The following STK32A variants were observed in gnomAD, a reference collection of about 807,000 sequenced individuals.
The protein encoded by STK32A is serine/threonine-protein kinase 32A.
In STK32A, 41 loss-of-function variants were observed where a neutral mutation model predicts 53.2. The ratio of observed to expected loss-of-function variants is 0.77; its 90% CI spans 0.60 to 1.00. The LOEUF is 1.00. STK32A is among the 50% of genes least tolerant of loss of function. STK32A has a pLI of 0.00. For missense variants in STK32A, 458 were observed against 485.8 expected (o/e 0.94, Z 0.54); for synonymous variants, 166 against 162.8 (o/e 1.02, Z -0.15).
In STK32A at chr5:147,343,216, T is replaced by C. The variant is rs115877349; in HGVS notation, c.472+173T>C. 6.5e-3 allele frequency: 5,073 copies of C among 783,392 alleles called. 34 individuals are homozygous for C. The highest frequency in any genetic ancestry group is 9.2e-3 in the Middle Eastern group (41 of 4,448). 48.5% of individuals were successfully genotyped at this position (783,392 alleles called of 1,614,324 possible). ...GAACTTTATTACTTATGGCAGGTTA[T>C]AGTACAACAATACACCCTTAAATCA... On this transcript the variant is annotated intron_variant, in intron 6 of 12. Transcript: ENST00000397936.
intron 2 of STK32A, 117 bp downstream of exon 2, chr5:147,239,803 C>G (rs1204522304): frequency 5.3e-6 from 4 of 760,634 alleles, no homozygotes; most frequent in South Asian, 1.8e-5. Context: ...AGGAAAAAGG[C>G]AAAGCTGCAT....
intron 10 of STK32A, 86 bp from the exon 11 acceptor site, chr5:147,375,004 C>G: frequency 7.8e-7 from 1 of 1,279,746 alleles, no homozygotes. Flanking sequence ...TCCGTTAAGA[C>G]TAAGTATTAT....
chr5:147,274,646 T>C (rs1427673334), intron 2 of STK32A, among the ~76,000 whole-genome samples: 3 of 152,224 alleles, frequency 2.0e-5, no homozygotes, highest in South Asian at 2.1e-4. Context: ...CTGGGAGCTA[T>C]GATACTCTTT....
intron 11 of STK32A, 164 bp from the exon 12 acceptor site, chr5:147,383,277 A>G: frequency 1.5e-6 from 1 of 650,488 alleles, no homozygotes; most frequent in Non-Finnish European, 2.7e-6. Context: ...CTGTTTTGCC[A>G]GCTTCCCGGA....
chr5:147,357,332 T>C (rs1413380363), intron 7 of STK32A, among the ~76,000 whole-genome samples: 1 of 152,054 alleles, frequency 6.6e-6, no homozygotes, highest in Non-Finnish European at 1.5e-5. Flanking sequence ...AAAAGGTAGG[T>C]AAAAATGATA....
intron 2 of STK32A, among the ~76,000 whole-genome samples, chr5:147,271,674 G>A (rs7729247): frequency 0.59 from 89,476 of 151,898 alleles, 26,733 homozygotes; most frequent in African/African-American, 0.67. Flanking sequence ...GGGTGTGGCC[G>A]TCTTCTATGG....
the STK32A span, chr5:147,397,817 A>T: frequency 6.2e-7 from 1 of 1,613,360 alleles, no homozygotes. Flanking sequence ...GCGCAGCTCC[A>T]TCCCTTCAAA....
intron 7 of STK32A, among the ~76,000 whole-genome samples, chr5:147,351,934 A>G (rs1348867297): frequency 6.6e-6 from 1 of 152,234 alleles, no homozygotes; most frequent in Non-Finnish European, 1.5e-5. Context: ...TTTAACCATT[A>G]TTTACATAAT....
intron 9 of STK32A, 116 bp from the exon 10 acceptor site, chr5:147,373,053 G>A (rs1581150327): frequency 9.7e-6 from 12 of 1,239,786 alleles, no homozygotes; most frequent in East Asian, 4.7e-5. Context: ...AGGGATAGGG[G>A]ACACTGTCTA....
At chr5:147,278,618 C>A (rs1293790553) in intron 3 of STK32A, among the ~76,000 whole-genome samples, 1 of 152,142 alleles carries the variant, frequency 6.6e-6, no homozygotes, top group Non-Finnish European at 1.5e-5. Flanking sequence ...AAGAAAAATA[C>A]ATATTCAGTT....
rs1755962652 is a variant in STK32A at position 147,351,246 on chromosome 5, G to A, written c.562+92G>A. On this transcript the variant is annotated intron_variant, in intron 7 of 12. Transcript: ENST00000397936. ...TCTGTGGGGATTTGCAGCTAGAACT[G>A]GTAAGTTCCTCTCTGACTTTACCTG... 25 of 1,090,202 alleles carry A rather than the reference G, an allele frequency of 2.3e-5. No homozygotes were observed. The South Asian group carries it at 3.0e-4, about 13-fold the overall frequency. The allele number at this position is 1,090,202 out of a possible 1,614,324, so 67.5% of individuals were successfully genotyped here. A position where few individuals can be genotyped will look rare whatever the true frequency, so the allele number is the denominator to read the frequency against.
chr5:147,396,986 G>A, the STK32A span, among the ~76,000 whole-genome samples: 1 of 144,924 alleles, frequency 6.9e-6, no homozygotes. Flanking sequence ...TTATTGTATT[G>A]TTATAATACA....
intron 4 of STK32A, among the ~76,000 whole-genome samples, chr5:147,291,458 T>C (rs7724577): frequency 0.38 from 57,323 of 151,678 alleles, 11,675 homozygotes; most frequent in East Asian, 0.59. Context: ...GGATCATCTC[T>C]AGGCTTCAGA....
intron 4 of STK32A, among the ~76,000 whole-genome samples, chr5:147,300,811 G>T (rs764782599): frequency 6.6e-6 from 1 of 152,112 alleles, no homozygotes; most frequent in Non-Finnish European, 1.5e-5. Context: ...CTGTAATTAG[G>T]AATAACAGGA....
intron 5 of STK32A, among the ~76,000 whole-genome samples, chr5:147,336,867 A>G (rs1375804334): frequency 1.3e-5 from 2 of 152,210 alleles, no homozygotes; most frequent in Non-Finnish European, 2.9e-5. Context: ...CGATGGCCCA[A>G]TCTGAGAGAC....
intron 8 of STK32A, among the ~76,000 whole-genome samples, chr5:147,368,984 C>CTTGAGTATTAGCTTGAGTATTAGGCT (rs1756891570): frequency 2.0e-5 from 3 of 152,120 alleles, no homozygotes; most frequent in Non-Finnish European, 2.9e-5. Context: ...CTTGAGTATA[C>CTTGAGTATTAGCTTGAGTATTAGGCT]TAAGCCTAAT....
chr5:147,239,000 T>C (rs763437169), intron 1 of STK32A, among the ~76,000 whole-genome samples: 13 of 152,174 alleles, frequency 8.5e-5, no homozygotes, highest in Non-Finnish European at 1.6e-4. Context: ...CAACTCTCCA[T>C]TGAGGAAAGT....
chr5:147,277,497 T>C (rs1368531472), intron 2 of STK32A, among the ~76,000 whole-genome samples: 1 of 152,346 alleles, frequency 6.6e-6, no homozygotes, highest in East Asian at 1.9e-4. Context: ...ATATCCATTC[T>C]AATCTGTTAC....
intron 4 of STK32A, among the ~76,000 whole-genome samples, chr5:147,300,913 C>CA (rs1343286672): frequency 1.3e-5 from 2 of 152,226 alleles, no homozygotes; most frequent in African/African-American, 4.8e-5. Context: ...GGTGACTTTA[C>CA]ACAACAACTG....
Sources: gnomAD v4.1 joint callset for allele counts (sites outside exome capture counted in the v4.1 genomes callset) on GRCh38, gnomAD v4.1.1 for gene constraint, MANE v1.5 for transcripts, NCBI Gene and HGNC (gene_info 2026-07-23, HGNC 2026-07-21) for gene names.